The following NMT2 variants were observed in gnomAD, a reference collection of about 807,000 sequenced individuals.
The protein encoded by NMT2 is glycylpeptide N-tetradecanoyltransferase 2.
A neutral mutation model predicts 65.4 loss-of-function variants in NMT2; 35 were observed. The ratio of observed to expected loss-of-function variants is 0.54; its 90% CI spans 0.41 to 0.71. The LOEUF (loss-of-function observed/expected upper bound fraction) is 0.71, where lower values mean the gene tolerates loss of function less well. Ranked by LOEUF, NMT2 falls within the 30% of genes least tolerant of loss-of-function variation. The probability of loss-of-function intolerance (pLI) is 0.00; values close to 1 mark genes in which losing one functional copy is unlikely to be tolerated. For missense variants in NMT2, 489 were observed against 611.3 expected (o/e 0.80, Z 2.11); for synonymous variants, 226 against 231.8 (o/e 0.98, Z 0.23).
Position 15,157,393 on chromosome 10 carries a change from A to C in NMT2, c.110+11110T>G, listed in dbSNP as rs368788082. ...GGCATAGGCTGCAGCAATGGGGTACAAGAGGGCTGAAGTGGGTACCTCCCG... is the reference window on the plus strand; with the variant it reads ...GGCATAGGCTGCAGCAATGGGGTACCAGAGGGCTGAAGTGGGTACCTCCCG... On this transcript the variant is annotated intron_variant, in intron 1 of 11. Transcript: ENST00000378165. Among the ~76,000 whole-genome samples, 6 of 152,210 alleles carry C rather than the reference A, an allele frequency of 3.9e-5. No homozygotes were observed. The East Asian group carries it at 1.2e-3, about 29-fold the overall frequency.
intron 1 of NMT2, chr10:15,155,065 TCTC>T (rs778483364): frequency 1.5e-6 from 2 of 1,318,042 alleles, no homozygotes; most frequent in South Asian, 2.4e-5. Context: ...AGAATGAAGT[TCTC>T]ATCATCAAAT....
intron 2 of NMT2, 93 bp downstream of exon 2, chr10:15,141,329 C>T (rs1564579140): frequency 2.8e-5 from 41 of 1,469,960 alleles, no homozygotes; most frequent in Non-Finnish European, 2.1e-5. Flanking sequence ...ACAACAAAGT[C>T]CCTACACATC....
chr10:15,123,699 A>G (rs1845997535), intron 8 of NMT2, among the ~76,000 whole-genome samples: 1 of 152,184 alleles, frequency 6.6e-6, no homozygotes, highest in Non-Finnish European at 1.5e-5. Flanking sequence ...TGAGAGTTCA[A>G]TAAAATGCAG....
At chr10:15,166,635 C>A (rs1015328368) in intron 1 of NMT2, among the ~76,000 whole-genome samples, 9 of 152,174 alleles carry the variant, frequency 5.9e-5, no homozygotes, top group African/African-American at 2.2e-4. Flanking sequence ...TTATGTTAAT[C>A]TTTTCCCACT....
Position 15,109,134 on chromosome 10 carries a change from C to T in NMT2, c.*61G>A, listed in dbSNP as rs1451878306. ...TTTATTCTTCTTTGGAATGGCAGTT[C>T]CAGAAATCATTAAATATTAACAAAT... On this transcript the variant is annotated 3_prime_UTR_variant, in exon 12 of 12. Coordinates refer to ENST00000378165, the MANE Select transcript of NMT2 (RefSeq NM_004808.3). 1 of 1,588,490 alleles carries T rather than the reference C, an allele frequency of 6.3e-7. No homozygotes were observed. Among genetic ancestry groups the T allele is most frequent in the Non-Finnish European group, 8.5e-7 (1 of 1,172,132 alleles).
At chr10:15,129,248 CTAGTAT>C (rs1285447138) in intron 7 of NMT2, among the ~76,000 whole-genome samples, 1 of 151,926 alleles carries the variant, frequency 6.6e-6, no homozygotes. Context: ...CCCCTGAAGT[CTAGTAT>C]TCCATTTACT....
intron 9 of NMT2, among the ~76,000 whole-genome samples, chr10:15,117,366 G>C (rs924195520): frequency 6.6e-6 from 1 of 152,178 alleles, no homozygotes; most frequent in African/African-American, 2.4e-5. Flanking sequence ...AGAACTCTCA[G>C]CAAGTTAGAA....
At chr10:15,119,975 G>C (rs1337971696) in intron 8 of NMT2, among the ~76,000 whole-genome samples, 1 of 152,174 alleles carries the variant, frequency 6.6e-6, no homozygotes, top group Non-Finnish European at 1.5e-5. Context: ...GTATCCACTG[G>C]TTGTGCATCT....
In NMT2 at chr10:15,105,999, T is replaced by C. The variant is rs1179940335; in HGVS notation, c.*3196A>G. 2 of 419,104 alleles carry C rather than the reference T, an allele frequency of 4.8e-6. No individual in the cohort carries two copies. Among genetic ancestry groups the C allele is most frequent in the East Asian group, 9.5e-5 (1 of 10,570 alleles). 26.0% of individuals were successfully genotyped at this position (419,104 alleles called of 1,614,324 possible). On this transcript the variant is annotated 3_prime_UTR_variant, in exon 12 of 12. Transcript: ENST00000378165. Reference sequence around the variant, plus strand: ...TTTCCAACTGGCAATGCTGCAGTTATTTATTTTACTTTCGAGATAGAGTCT... The same window carrying C: ...TTTCCAACTGGCAATGCTGCAGTTACTTATTTTACTTTCGAGATAGAGTCT...
intron 1 of NMT2, among the ~76,000 whole-genome samples, chr10:15,144,403 A>G (rs952351028): frequency 2.6e-5 from 4 of 152,140 alleles, no homozygotes; most frequent in South Asian, 2.1e-4. Context: ...TGACCAGTGC[A>G]CCGCTTGATA....
chr10:15,148,772 A>G (rs1308325924), intron 1 of NMT2, among the ~76,000 whole-genome samples: 1 of 152,080 alleles, frequency 6.6e-6, no homozygotes, highest in Non-Finnish European at 1.5e-5. Context: ...AAAGATCCTC[A>G]ATATTTGCTA....
Position 15,107,702 on chromosome 10 carries a change from G to C in NMT2, c.*1493C>G. The C allele has an allele frequency of 1.1e-6, 1 of 893,268 alleles. No individual in the cohort carries two copies. Among genetic ancestry groups the C allele is most frequent in the Non-Finnish European group, 1.3e-6 (1 of 746,264 alleles). 55.3% of individuals were successfully genotyped at this position (893,268 alleles called of 1,614,324 possible). A position where few individuals can be genotyped will look rare whatever the true frequency, so the allele number is the denominator to read the frequency against. ...ACCCCTGACCTCAAATGTTTCGCCC[G>C]CCTTGGCCTCCCAAAGTGCTGGGAT... On this transcript the variant is annotated 3_prime_UTR_variant, in exon 12 of 12. Coordinates refer to ENST00000378165, the MANE Select transcript of NMT2 (RefSeq NM_004808.3).
At chr10:15,135,182 C>A in intron 3 of NMT2, 92 bp downstream of exon 3, 2 of 1,282,552 alleles carry the variant, frequency 1.6e-6, no homozygotes, top group East Asian at 4.6e-5. Flanking sequence ...GAAGTTAACA[C>A]TCTTTGTGTT....
chr10:15,132,416 T>G (rs527556800), intron 6 of NMT2, among the ~76,000 whole-genome samples: 8 of 152,190 alleles, frequency 5.3e-5, no homozygotes, highest in African/African-American at 1.4e-4. Flanking sequence ...TTGCATTCAG[T>G]CATTTTTATT....
In NMT2 at chr10:15,107,767, T is replaced by C; in HGVS notation, c.*1428A>G. 1.0e-6 allele frequency: 1 copy of C among 978,356 alleles called. No homozygotes were observed. Among genetic ancestry groups the C allele is most frequent in the Non-Finnish European group, 1.2e-6 (1 of 829,644 alleles). The allele number at this position is 978,356 out of a possible 1,614,324, so 60.6% of individuals were successfully genotyped here. Reference sequence around the variant, plus strand: ...ACCACACCCAGCCAAGGCATCTACTTTGTGGTATCTGAGTTGAGGCCAGGC... The same window carrying C: ...ACCACACCCAGCCAAGGCATCTACTCTGTGGTATCTGAGTTGAGGCCAGGC... On this transcript the variant is annotated 3_prime_UTR_variant, in exon 12 of 12. Coordinates refer to ENST00000378165, the MANE Select transcript of NMT2 (RefSeq NM_004808.3).
In NMT2 at chr10:15,158,096, AC is replaced by A. The variant is rs1833060583; in HGVS notation, c.110+10406del. The stretch of plus-strand genomic sequence containing the variant: ...TTGGGAGGCCAAAGGAGGGCGGATC[AC>A]TTGAGGTCAGGAGTTCAAGACCATC... On this transcript the variant is annotated intron_variant, in intron 1 of 11. Transcript: ENST00000378165. Among the ~76,000 whole-genome samples the A allele has an allele frequency of 2.0e-5, 3 of 152,168 alleles. No individual in the cohort carries two copies. In the South Asian group the frequency reaches 6.2e-4, roughly 32 times the overall value.
intron 8 of NMT2, among the ~76,000 whole-genome samples, chr10:15,127,583 T>TAAAACA (rs1564568508): frequency 1.6e-5 from 1 of 63,170 alleles, no homozygotes; most frequent in African/African-American, 9.6e-5. Flanking sequence ...AATAAATAAA[T>TAAAACA]AAATAAATAA....
rs541930754 is a variant in NMT2, at chr10:15,106,979, C to G, written c.*2216G>C. 1.3e-5 allele frequency among the ~76,000 whole-genome samples: 2 copies of G among 152,182 alleles called. No individual in the cohort carries two copies. The highest frequency in any genetic ancestry group is 4.2e-4 in the South Asian group (2 of 4,818). On this transcript the variant is annotated 3_prime_UTR_variant, in exon 12 of 12. Transcript: ENST00000378165. ...AGCCAGGCGTGGTGGTATGCACGCC[C>G]AGCTAGTTCTTTTTCTTCAAAAAGA...
chr10:15,163,221 G>C (rs1410709413), intron 1 of NMT2, among the ~76,000 whole-genome samples: 3 of 152,106 alleles, frequency 2.0e-5, no homozygotes, highest in African/African-American at 4.8e-5. Context: ...CCTATTGTTT[G>C]ATTTTTGAAT....
Sources: allele counts gnomAD v4.1 joint callset (sites outside exome capture counted in the v4.1 genomes callset), GRCh38; gene constraint gnomAD v4.1.1; transcripts MANE v1.5; gene names NCBI Gene and HGNC (gene_info 2026-07-23, HGNC 2026-07-21).